Variants in CCDC192 observed in about 807,000 individuals in gnomAD.
CCDC192 encodes coiled-coil domain-containing protein 192.
At chr5:127,904,060 T>C (rs1355840241) in intron 6 of CCDC192, among the ~76,000 whole-genome samples, 4 of 152,138 alleles carry the variant, frequency 2.6e-5, no homozygotes, top group Non-Finnish European at 5.9e-5. Flanking sequence ...CCTGAGTCCT[T>C]AAAAGCAGAG....
chr5:127,869,699 A>T (rs1036575058), intron 5 of CCDC192, among the ~76,000 whole-genome samples: 1 of 152,196 alleles, frequency 6.6e-6, no homozygotes, highest in South Asian at 2.1e-4. Flanking sequence ...GAGGGAAAAA[A>T]CTGAGACTTT....
intron 5 of CCDC192, among the ~76,000 whole-genome samples, chr5:127,805,031 A>G (rs1459504000): frequency 1.3e-5 from 2 of 152,138 alleles, no homozygotes; most frequent in Admixed American, 1.3e-4. Context: ...AGTAGCACAC[A>G]ACACATGTCT....
At chr5:127,803,529 C>G (rs1006578765) in intron 5 of CCDC192, among the ~76,000 whole-genome samples, 3 of 152,196 alleles carry the variant, frequency 2.0e-5, no homozygotes, top group African/African-American at 7.2e-5. Context: ...GACTAGGTAT[C>G]TTAATAAAAA....
At chr5:127,755,116 C>T (rs1395995920) in intron 3 of CCDC192, among the ~76,000 whole-genome samples, 2 of 152,156 alleles carry the variant, frequency 1.3e-5, no homozygotes, top group East Asian at 3.8e-4. Context: ...CCCCAGTGCT[C>T]TCTTTTGGTG....
At chr5:127,882,952 C>T (rs1022541043) in intron 6 of CCDC192, among the ~76,000 whole-genome samples, 2 of 152,194 alleles carry the variant, frequency 1.3e-5, no homozygotes, top group African/African-American at 2.4e-5. Context: ...CTTCTTTCAC[C>T]ACTGAAAACA....
chr5:127,835,469 A>G (rs1279206287), intron 5 of CCDC192, among the ~76,000 whole-genome samples: 1 of 152,138 alleles, frequency 6.6e-6, no homozygotes, highest in Non-Finnish European at 1.5e-5. Flanking sequence ...CCCTCCTCAA[A>G]TGGCACTTTG....
intron 3 of CCDC192, among the ~76,000 whole-genome samples, chr5:127,779,229 T>C (rs1756046812): frequency 6.6e-6 from 1 of 152,176 alleles, no homozygotes; most frequent in African/African-American, 2.4e-5. Flanking sequence ...TCACATAAGT[T>C]TTTTTCTATA....
At chr5:127,814,720 A>G (rs1174879897) in intron 5 of CCDC192, among the ~76,000 whole-genome samples, 1 of 152,178 alleles carries the variant, frequency 6.6e-6, no homozygotes, top group Non-Finnish European at 1.5e-5. Flanking sequence ...AAGAATTTAG[A>G]CTTTAGAATG....
chr5:127,912,933 T>C (rs1004522322), intron 6 of CCDC192, among the ~76,000 whole-genome samples: 4 of 152,246 alleles, frequency 2.6e-5, no homozygotes, highest in African/African-American at 4.8e-5. Flanking sequence ...TGTTCTGCAC[T>C]GGCCCTGACC....
At chr5:127,760,890 C>T (rs1003359410) in intron 3 of CCDC192, among the ~76,000 whole-genome samples, 1 of 151,878 alleles carries the variant, frequency 6.6e-6, no homozygotes, top group Non-Finnish European at 1.5e-5. Context: ...GATGAGACTC[C>T]TGGAATGTAA....
At chr5:127,803,305 A>T (rs562940370) in intron 5 of CCDC192, among the ~76,000 whole-genome samples, 98 of 152,260 alleles carry the variant, frequency 6.4e-4, no homozygotes, top group African/African-American at 2.3e-3. Flanking sequence ...CACAACTTAG[A>T]CTTCTAAAGA....
chr5:127,919,047 CTGTGTGTGTATG>C (rs1455878958), intron 6 of CCDC192, among the ~76,000 whole-genome samples: 1 of 143,992 alleles, frequency 6.9e-6, no homozygotes, highest in East Asian at 2.0e-4. Context: ...GTGTATATAT[CTGTGTGTGTATG>C]TGTGTGTGTA....
chr5:127,741,551 TAAG>T (rs1753420605), intron 2 of CCDC192, among the ~76,000 whole-genome samples: 1 of 152,158 alleles, frequency 6.6e-6, no homozygotes. Context: ...CTTTTTTTGA[TAAG>T]AGAATTCACA....
intron 6 of CCDC192, among the ~76,000 whole-genome samples, chr5:127,936,199 G>C (rs1011178063): frequency 6.6e-5 from 10 of 152,330 alleles, no homozygotes; most frequent in Admixed American, 3.9e-4. Context: ...CCCCAAAAAT[G>C]TAGTCAACGC....
intron 2 of CCDC192, among the ~76,000 whole-genome samples, chr5:127,737,901 C>A (rs1753120254): frequency 6.6e-6 from 1 of 151,878 alleles, no homozygotes; most frequent in Admixed American, 6.6e-5. Flanking sequence ...CAGTCTGTGT[C>A]TTTTAATTGG....
At chr5:127,930,823 C>G (rs1429003914) in intron 6 of CCDC192, among the ~76,000 whole-genome samples, 1 of 152,252 alleles carries the variant, frequency 6.6e-6, no homozygotes, top group Non-Finnish European at 1.5e-5. Flanking sequence ...ACACTGCACT[C>G]TGCTCACCAG....
chr5:127,852,811 C>T (rs1482079618), intron 5 of CCDC192, among the ~76,000 whole-genome samples: 1 of 152,104 alleles, frequency 6.6e-6, no homozygotes, highest in East Asian at 1.9e-4. Context: ...GCTGCTATCC[C>T]TGGCCGGGTG....
At chr5:127,860,095 G>A (rs1167833303) in intron 5 of CCDC192, among the ~76,000 whole-genome samples, 1 of 152,022 alleles carries the variant, frequency 6.6e-6, no homozygotes. Flanking sequence ...TTGAACCCCA[G>A]TCTCACCTCT....
intron 3 of CCDC192, among the ~76,000 whole-genome samples, chr5:127,761,566 G>A (rs1334088349): frequency 6.6e-6 from 1 of 152,094 alleles, no homozygotes; most frequent in Non-Finnish European, 1.5e-5. Context: ...ATGTTGGAGT[G>A]TGTGTGTTAT....
Sources: gnomAD v4.1 joint callset for allele counts (sites outside exome capture counted in the v4.1 genomes callset) on GRCh38, gnomAD v4.1.1 for gene constraint, MANE v1.5 for transcripts, NCBI Gene and HGNC (gene_info 2026-07-23, HGNC 2026-07-21) for gene names.